THRAP3: variants seen among roughly 807,000 people sequenced by gnomAD.
THRAP3 encodes thyroid hormone receptor-associated protein 3.
In THRAP3, 16 loss-of-function variants were observed where a neutral mutation model predicts 101.0. The ratio of observed to expected loss-of-function variants is 0.16; its 90% CI spans 0.11 to 0.24. The LOEUF (loss-of-function observed/expected upper bound fraction) is 0.24, where lower values mean the gene tolerates loss of function less well. THRAP3 is among the 10% of genes least tolerant of loss of function. The pLI, the probability that THRAP3 is intolerant of heterozygous loss-of-function variation, is 1.00. For synonymous variants in THRAP3, 407 were observed against 422.6 expected (o/e 0.96, Z 0.45); for missense variants, 989 against 1,202.7 (o/e 0.82, Z 2.63).
intron 1 of THRAP3, among the ~76,000 whole-genome samples, chr1:36,249,287 G>A (rs1645269515): frequency 6.6e-6 from 1 of 150,426 alleles, no homozygotes; most frequent in African/African-American, 2.4e-5. Flanking sequence ...TGCCTCCCAG[G>A]TTCATGCCAT....
chr1:36,211,844 C>T, the THRAP3 span, among the ~76,000 whole-genome samples: 3 of 152,284 alleles, frequency 2.0e-5, no homozygotes, highest in Admixed American at 2.0e-4. Flanking sequence ...GCCCTTCAAG[C>T]ATAGAGGGTC....
At chr1:36,295,186 G>C (rs1320800558) in intron 8 of THRAP3, among the ~76,000 whole-genome samples, 1 of 138,712 alleles carries the variant, frequency 7.2e-6, no homozygotes, top group Non-Finnish European at 1.5e-5. Flanking sequence ...TCCCGCCATT[G>C]TACTCCAGCC....
intron 2 of THRAP3, among the ~76,000 whole-genome samples, chr1:36,260,910 C>T (rs1277451686): frequency 3.3e-5 from 5 of 151,540 alleles, no homozygotes; most frequent in African/African-American, 7.3e-5. Context: ...GATTACGTAG[C>T]GCTTATTCAC....
At chr1:36,295,575 T>TCCTTCCTTCCCTCCTC (rs1557456490) in intron 8 of THRAP3, among the ~76,000 whole-genome samples, 3 of 139,214 alleles carry the variant, frequency 2.2e-5, no homozygotes, top group Admixed American at 7.3e-5. Flanking sequence ...CTTCCTTCCT[T>TCCTTCCTTCCCTCCTC]CCCTCCTCCC....
At chr1:36,237,821 T>G (rs115608494) in intron 1 of THRAP3, among the ~76,000 whole-genome samples, 20,095 of 151,606 alleles carry the variant, frequency 0.13, 1,495 homozygotes, top group Middle Eastern at 0.24. Flanking sequence ...TAGGTTTTTT[T>G]TGTGTGTGTG....
intron 1 of THRAP3, among the ~76,000 whole-genome samples, 164 bp from the exon 2 acceptor site, chr1:36,259,218 G>A (rs1645413190): frequency 6.6e-6 from 1 of 152,200 alleles, no homozygotes; most frequent in South Asian, 2.1e-4. Flanking sequence ...ATGAAAACCT[G>A]TCAGACAGAG....
chr1:36,279,933 G>T (rs1418321542), intron 2 of THRAP3, among the ~76,000 whole-genome samples: 3 of 152,172 alleles, frequency 2.0e-5, no homozygotes, highest in Admixed American at 1.3e-4. Context: ...AAGTTCGTTA[G>T]TACCCCTTGT....
chr1:36,208,666 A>T, the THRAP3 span, among the ~76,000 whole-genome samples: 1 of 151,888 alleles, frequency 6.6e-6, no homozygotes. Context: ...CAACATAATA[A>T]TTTTTTTTGT....
Position 36,303,781 on chromosome 1 carries a change from T to C in THRAP3, c.2647-15T>C. 1 of 1,613,824 alleles carries C rather than the reference T, an allele frequency of 6.2e-7. No homozygotes were observed. Among genetic ancestry groups the C allele is most frequent in the Non-Finnish European group, 8.5e-7 (1 of 1,179,902 alleles). ...TGTTCACTCTGGCACTGATGGCAAT[T>C]TTCTTTCCCCTCAGCATGATGACCG... is the stretch of plus-strand genomic sequence containing the variant. On this transcript the variant is annotated splice_polypyrimidine_tract_variant and intron_variant, in intron 11 of 11. Coordinates refer to ENST00000354618, the MANE Select transcript of THRAP3 (RefSeq NM_005119.4).
intron 2 of THRAP3, among the ~76,000 whole-genome samples, chr1:36,270,651 C>T (rs1645579664): frequency 6.8e-6 from 1 of 146,048 alleles, no homozygotes; most frequent in Admixed American, 7.1e-5. Flanking sequence ...AATCTTGGCT[C>T]ACTGCAACCT....
intron 1 of THRAP3, among the ~76,000 whole-genome samples, chr1:36,246,833 C>T (rs1645237346): frequency 6.6e-6 from 1 of 151,618 alleles, no homozygotes; most frequent in African/African-American, 2.4e-5. Flanking sequence ...CAGAGTGAGA[C>T]TCTGTCTCAA....
chr1:36,229,413 TTTTTTTTTTG>T (rs372415162), intron 1 of THRAP3, among the ~76,000 whole-genome samples: 3,948 of 29,362 alleles, frequency 0.13, 116 homozygotes, highest in East Asian at 0.51. Flanking sequence ...TTTTTTTTTG[TTTTTTTTTTG>T]TTTTTTTTTT....
At chr1:36,269,968 G>A (rs951297155) in intron 2 of THRAP3, among the ~76,000 whole-genome samples, 6 of 152,078 alleles carry the variant, frequency 3.9e-5, no homozygotes, top group South Asian at 4.1e-4. Flanking sequence ...ACACTTGTTC[G>A]GATTTTGACC....
chr1:36,292,743 TAA>T, intron 7 of THRAP3, 34 bp downstream of exon 7: 4 of 1,511,592 alleles, frequency 2.6e-6, no homozygotes, highest in Non-Finnish European at 3.6e-6. Flanking sequence ...GAGGTTGTAA[TAA>T]AAGACTTTGT....
At position 36,253,760 on chromosome 1, in the gene THRAP3, A is replaced by ATTTTTTTTTTT. The variant is rs58306701; in HGVS notation, c.-134-5613_-134-5603dup. ...AGGCGTACACCATTGAGTCAGGCTA[A>ATTTTTTTTTTT]TTTTTTTTTTTTTTTTTTTAGTTTT... On this transcript the variant is annotated intron_variant, in intron 1 of 11. Transcript: ENST00000354618. 3.9e-3 allele frequency among the ~76,000 whole-genome samples: 392 copies of ATTTTTTTTTTT among 100,180 alleles called. 10 individuals are homozygous for ATTTTTTTTTTT. Among genetic ancestry groups the ATTTTTTTTTTT allele is most frequent in the Middle Eastern group, 0.013 (2 of 150 alleles). 65.7% of individuals were successfully genotyped at this position (100,180 alleles called of 152,430 possible). A position where few individuals can be genotyped will look rare whatever the true frequency, so the allele number is the denominator to read the frequency against.
At chr1:36,297,938 A>G (rs945047582) in intron 9 of THRAP3, among the ~76,000 whole-genome samples, 2 of 149,866 alleles carry the variant, frequency 1.3e-5, no homozygotes, top group African/African-American at 4.9e-5. Context: ...CGTGGTCAGG[A>G]GTTCAAGACC....
At chr1:36,269,737 A>AT (rs60484472) in intron 2 of THRAP3, among the ~76,000 whole-genome samples, 4,525 of 146,198 alleles carry the variant, frequency 0.031, 123 homozygotes, top group African/African-American at 0.074. Context: ...TGCCCAGCTA[A>AT]TTTTTTTTTT....
At chr1:36,259,867 T>C (rs1645422372) in intron 2 of THRAP3, among the ~76,000 whole-genome samples, 2 of 152,206 alleles carry the variant, frequency 1.3e-5, no homozygotes, top group East Asian at 1.9e-4. Context: ...AGGCTGTCGG[T>C]AAACTTGACA....
the THRAP3 span, among the ~76,000 whole-genome samples, chr1:36,215,492 C>T: frequency 2.0e-5 from 3 of 152,304 alleles, no homozygotes; most frequent in South Asian, 6.2e-4. Context: ...GCCTGGCTAA[C>T]TATATCGTTT....
Sources: allele counts gnomAD v4.1 joint callset (sites outside exome capture counted in the v4.1 genomes callset), GRCh38; gene constraint gnomAD v4.1.1; transcripts MANE v1.5; gene names NCBI Gene and HGNC (gene_info 2026-07-23, HGNC 2026-07-21).